The following C8orf34 variants were observed in gnomAD, a reference collection of about 807,000 sequenced individuals.
C8orf34 encodes uncharacterized protein C8orf34.
Under a neutral mutation model 68.3 loss-of-function variants are expected in C8orf34, and 65 were observed. The ratio of observed to expected loss-of-function variants is 0.95; its 90% CI spans 0.78 to 1.17. The LOEUF (loss-of-function observed/expected upper bound fraction) is 1.17, where lower values mean the gene tolerates loss of function less well. Among genes scored for constraint, C8orf34 ranks in the 50% most tolerant of loss-of-function variants. The probability of loss-of-function intolerance (pLI) is 0.00; values close to 1 mark genes in which losing one functional copy is unlikely to be tolerated. For missense variants in C8orf34, 664 were observed against 655.4 expected, an observed-to-expected ratio of 1.01 and a Z score of -0.14; for synonymous variants, 244 against 241.2, an observed-to-expected ratio of 1.01 and a Z score of -0.11.
Position 68,521,801 on chromosome 8 carries a change from A to G in C8orf34, c.768A>G (p.Glu256=). ...GCATATTCTTTTCTTCTCTTCAGGA[A>G]ACAGTGACATTTAATTCTTCTCTTC... ...SIAISDELDK[E]TVTFNSSLLR... The change falls in exon 6 of 14, where the codon GAA becomes GAG. Residue 256 remains glutamate, a splice_region_variant and synonymous_variant. Coordinates refer to ENST00000518698, the MANE Select transcript of C8orf34 (RefSeq NM_052958.4). The G allele has an allele frequency of 6.2e-7, 1 of 1,610,982 alleles. No homozygotes were observed. Among genetic ancestry groups the G allele is most frequent in the Non-Finnish European group, 8.5e-7 (1 of 1,178,356 alleles).
chr8:68,714,913 T>G (rs148009646), intron 9 of C8orf34, among the ~76,000 whole-genome samples: 295 of 152,080 alleles, frequency 1.9e-3, no homozygotes, highest in African/African-American at 6.4e-3. Flanking sequence ...CATAGTAGTA[T>G]TATAAAAATA....
chr8:68,765,576 C>T (rs977784676), intron 10 of C8orf34, among the ~76,000 whole-genome samples: 1 of 152,158 alleles, frequency 6.6e-6, no homozygotes, highest in African/African-American at 2.4e-5. Context: ...GATTCCAAGT[C>T]ACTCTCTTAT....
chr8:68,422,241 A>T (rs1810012117), intron 1 of C8orf34, among the ~76,000 whole-genome samples: 1 of 152,322 alleles, frequency 6.6e-6, no homozygotes, highest in South Asian at 2.1e-4. Flanking sequence ...GTCTCATGTG[A>T]GACAAGGCAA....
At position 68,783,692 on chromosome 8, in the gene C8orf34, A is replaced by G. The variant is rs191966275; in HGVS notation, c.1456-3751A>G. Among the ~76,000 whole-genome samples the G allele has an allele frequency of 8.5e-5, 13 of 152,156 alleles. No individual in the cohort carries two copies. The East Asian group carries it at 2.5e-3, about 29-fold the overall frequency. On this transcript the variant is annotated intron_variant, in intron 11 of 13. Coordinates refer to ENST00000518698, the MANE Select transcript of C8orf34 (RefSeq NM_052958.4). ...CCACTTTTCTGGGCGGAACCAATGT[A>G]CTTCTTACATATATTGATTGATGTC...
At chr8:68,335,566 T>C (rs1040589229) in intron 1 of C8orf34, among the ~76,000 whole-genome samples, 1 of 152,188 alleles carries the variant, frequency 6.6e-6, no homozygotes, top group Non-Finnish European at 1.5e-5. Context: ...GTGTTGTCAT[T>C]GACTTACTTC....
rs188120905 is a variant in C8orf34, at chr8:68,755,755, T to A, written c.1405-20644T>A. ...GAAGTCACTTCGTGTACAAATATAT[T>A]TGTGGCTTAAAACTAAGAGTAACTG... On this transcript the variant is annotated intron_variant, in intron 10 of 13. Coordinates refer to ENST00000518698, the MANE Select transcript of C8orf34 (RefSeq NM_052958.4). Among the ~76,000 whole-genome samples, 195 of 152,170 alleles carry A rather than the reference T, an allele frequency of 1.3e-3. 1 individual carries two copies. The highest frequency in any genetic ancestry group is 4.4e-3 in the African/African-American group (183 of 41,524).
At chr8:68,339,022 G>A (rs1380408670) in intron 1 of C8orf34, among the ~76,000 whole-genome samples, 1 of 152,028 alleles carries the variant, frequency 6.6e-6, no homozygotes, top group African/African-American at 2.4e-5. Context: ...CTTTGGTGAT[G>A]TGTCTGTCCA....
chr8:68,668,738 T>C (rs1819917384), intron 8 of C8orf34, among the ~76,000 whole-genome samples: 1 of 152,100 alleles, frequency 6.6e-6, no homozygotes, highest in South Asian at 2.1e-4. Flanking sequence ...CATTCTCCTG[T>C]TGATGGGCAG....
At chr8:68,579,168 C>G (rs749275336) in intron 7 of C8orf34, among the ~76,000 whole-genome samples, 2 of 151,798 alleles carry the variant, frequency 1.3e-5, no homozygotes, top group African/African-American at 2.4e-5. Flanking sequence ...CCTGATACTC[C>G]CAGGTACAGA....
chr8:68,438,854 G>C (rs1303832188), intron 1 of C8orf34: 1 of 152,034 alleles, frequency 6.6e-6, no homozygotes, highest in Non-Finnish European at 1.5e-5. Flanking sequence ...GTCCAAAATG[G>C]AACAGCCTGC....
At chr8:68,749,440 C>G (rs1050284393) in intron 10 of C8orf34, among the ~76,000 whole-genome samples, 1 of 151,794 alleles carries the variant, frequency 6.6e-6, no homozygotes, top group African/African-American at 2.4e-5. Context: ...ATAGAAAGCA[C>G]AAAATAAAAG....
intron 10 of C8orf34, among the ~76,000 whole-genome samples, chr8:68,757,362 G>C (rs1488525727): frequency 7.9e-5 from 12 of 152,200 alleles, no homozygotes; most frequent in Middle Eastern, 3.4e-3. Flanking sequence ...GGGCGCAGTG[G>C]CTCATGCCTG....
chr8:68,330,817 G>A (rs1303310990), upstream of C8orf34: 12 of 494,490 alleles, frequency 2.4e-5, no homozygotes, highest in African/African-American at 1.0e-4. Context: ...ACGCACGCAC[G>A]CACACACACC....
intron 1 of C8orf34, among the ~76,000 whole-genome samples, chr8:68,352,298 A>C (rs1806544149): frequency 6.6e-6 from 1 of 152,106 alleles, no homozygotes. Context: ...TTATATTAAA[A>C]TGTGGGCCTA....
chr8:68,482,372 A>G (rs947465105), intron 4 of C8orf34, among the ~76,000 whole-genome samples: 1 of 152,116 alleles, frequency 6.6e-6, no homozygotes, highest in African/African-American at 2.4e-5. Flanking sequence ...GAATTCCTCA[A>G]CTTCTAGCAG....
intron 1 of C8orf34, among the ~76,000 whole-genome samples, chr8:68,381,528 C>T (rs952898247): frequency 4.0e-5 from 6 of 150,696 alleles, no homozygotes; most frequent in Admixed American, 6.6e-5. Context: ...GTCAGGAGAT[C>T]GAGACCATCC....
At chr8:68,647,149 C>T (rs1819201261) in intron 8 of C8orf34, among the ~76,000 whole-genome samples, 1 of 152,126 alleles carries the variant, frequency 6.6e-6, no homozygotes, top group East Asian at 1.9e-4. Flanking sequence ...ATAAACATAT[C>T]TCAGAAAAAG....
intron 1 of C8orf34, among the ~76,000 whole-genome samples, chr8:68,426,518 C>CAAAAAAAAAAAAAAAAAA (rs753578060): frequency 3.4e-5 from 1 of 29,608 alleles, no homozygotes; most frequent in Non-Finnish European, 7.3e-5. Context: ...GACCTTGTCT[C>CAAAAAAAAAAAAAAAAAA]AAAAAAAAAA....
intron 8 of C8orf34, among the ~76,000 whole-genome samples, chr8:68,642,683 A>G (rs1158698305): frequency 1.3e-5 from 2 of 152,194 alleles, no homozygotes; most frequent in Non-Finnish European, 1.5e-5. Flanking sequence ...TGACTATTCC[A>G]TAACAGACCA....
Sources: allele counts gnomAD v4.1 joint callset (sites outside exome capture counted in the v4.1 genomes callset), GRCh38; gene constraint gnomAD v4.1.1; transcripts MANE v1.5; gene names NCBI Gene and HGNC (gene_info 2026-07-23, HGNC 2026-07-21).